Variants in ELP4 observed in about 807,000 individuals in gnomAD.
ELP4 encodes the protein elongator acetyltransferase complex subunit 4, also known as elongator complex protein 4.
In ELP4, 51 loss-of-function variants were observed where a neutral mutation model predicts 48.9. The ratio of observed to expected loss-of-function variants is 1.04; its 90% CI spans 0.83 to 1.32. ELP4 has a LOEUF of 1.32. ELP4 is among the 40% of genes most tolerant of loss of function. ELP4 has a pLI of 0.00. For synonymous variants in ELP4, 210 were observed against 189.2 expected (o/e 1.11, Z -0.90); for missense variants, 519 against 514.6 (o/e 1.01, Z -0.08).
chr11:31,543,322 T>G (rs1327723711), intron 3 of ELP4, among the ~76,000 whole-genome samples: 1 of 152,006 alleles, frequency 6.6e-6, no homozygotes, highest in East Asian at 1.9e-4. Context: ...TTGTTTGTTT[T>G]TTGTTTTTTG....
intron 3 of ELP4, among the ~76,000 whole-genome samples, chr11:31,560,684 A>ATTGTTTTATATATATATAAAACG (rs1957005408): frequency 1.8e-5 from 2 of 108,842 alleles, no homozygotes; most frequent in Middle Eastern, 5.4e-3. Context: ...TAAAGACCAC[A>ATTGTTTTATATATATATAAAACG]TTGTTTTATA....
Position 31,509,788 on chromosome 11 carries a change from G to A in ELP4, c.4G>A (p.Ala2Thr), listed in dbSNP as rs1186530257. The A allele has an allele frequency of 1.9e-6, 3 of 1,613,900 alleles. No individual in the cohort carries two copies. Among genetic ancestry groups the A allele is most frequent in the Non-Finnish European group, 2.5e-6 (3 of 1,180,014 alleles). ...GGTTAACACTGGAGGCTCTAAGATG[G>A]CGGCAGTGGCAACCTGCGGTAGTGT... M[A>T]AVATCGSVAA... The change falls in exon 1 of 10, where the codon GCG becomes ACG. Residue 2 changes from alanine (A) to threonine (T), a missense_variant. Physicochemically the swap from Ala to Thr is moderately conservative, Grantham distance 58. Transcript: ENST00000640961.
chr11:31,692,262 G>A (rs1037047184), intron 9 of ELP4, among the ~76,000 whole-genome samples: 3 of 152,236 alleles, frequency 2.0e-5, no homozygotes, highest in African/African-American at 2.4e-5. Context: ...GAGTTGGGGA[G>A]GAAAGTACAG....
chr11:31,543,209 C>CA (rs1956621742), intron 3 of ELP4, among the ~76,000 whole-genome samples: 1 of 152,106 alleles, frequency 6.6e-6, no homozygotes, highest in Non-Finnish European at 1.5e-5. Context: ...GAGTAGTACA[C>CA]AACAAATATT....
chr11:31,790,117 AAAACT>A lies in ELP4; in HGVS notation c.*6596_*6600del. The A allele has an allele frequency of 1.3e-6, 1 of 779,982 alleles. No homozygotes were observed. The highest frequency in any genetic ancestry group is 2.1e-6 in the Non-Finnish European group (1 of 477,860). 48.3% of individuals were successfully genotyped at this position (779,982 alleles called of 1,614,324 possible). A position where few individuals can be genotyped will look rare whatever the true frequency, so the allele number is the denominator to read the frequency against. On this transcript the variant is annotated 3_prime_UTR_variant, in exon 10 of 10. Transcript: ENST00000640961. ...GTTTACAAAAAAAAAAAAAAAAAAA[AAAACT>A]AATACTTTCTAACATTTTTTACTGT... is the stretch of plus-strand genomic sequence containing the variant.
chr11:31,692,721 G>A (rs1291988951), intron 9 of ELP4, among the ~76,000 whole-genome samples: 2 of 152,068 alleles, frequency 1.3e-5, no homozygotes, highest in African/African-American at 4.8e-5. Flanking sequence ...CACACATGAT[G>A]TTGCCTCTGA....
At chr11:31,614,979 T>A (rs1958049697) in intron 5 of ELP4, among the ~76,000 whole-genome samples, 1 of 152,076 alleles carries the variant, frequency 6.6e-6, no homozygotes, top group South Asian at 2.1e-4. Flanking sequence ...GAAACTTGAA[T>A]GGAGTGTGAG....
At chr11:31,667,377 G>A (rs1429617758) in intron 9 of ELP4, among the ~76,000 whole-genome samples, 1 of 152,064 alleles carries the variant, frequency 6.6e-6, no homozygotes, top group Non-Finnish European at 1.5e-5. Context: ...TTTTTCTAAA[G>A]CACCTAATGT....
intron 5 of ELP4, among the ~76,000 whole-genome samples, chr11:31,613,227 A>G (rs1302804831): frequency 6.6e-6 from 1 of 152,190 alleles, no homozygotes; most frequent in African/African-American, 2.4e-5. Context: ...AATAGGATAA[A>G]TAGCAGAATC....
chr11:31,556,663 A>G (rs1015117560), intron 3 of ELP4, among the ~76,000 whole-genome samples: 11 of 151,912 alleles, frequency 7.2e-5, no homozygotes, highest in Non-Finnish European at 1.5e-4. Context: ...ATGACATTTC[A>G]GATAGGTAGT....
intron 9 of ELP4, among the ~76,000 whole-genome samples, chr11:31,700,556 G>T (rs998330083): frequency 3.3e-5 from 5 of 151,996 alleles, no homozygotes; most frequent in African/African-American, 1.2e-4. Context: ...AAGGTATCCT[G>T]GCCCAAATAA....
At chr11:31,546,372 T>A (rs1012349470) in intron 3 of ELP4, among the ~76,000 whole-genome samples, 2 of 151,720 alleles carry the variant, frequency 1.3e-5, no homozygotes, top group East Asian at 3.9e-4. Flanking sequence ...CCAACAAAGA[T>A]CAAAAGGAAC....
chr11:31,696,010 G>T (rs961532001), intron 9 of ELP4, among the ~76,000 whole-genome samples: 4 of 151,932 alleles, frequency 2.6e-5, no homozygotes, highest in African/African-American at 9.7e-5. Context: ...CATTCGTGGT[G>T]ATATCCCCTT....
At chr11:31,535,021 T>G (rs1354365674) in intron 2 of ELP4, among the ~76,000 whole-genome samples, 1 of 152,194 alleles carries the variant, frequency 6.6e-6, no homozygotes, top group African/African-American at 2.4e-5. Flanking sequence ...CTGTCAGCTG[T>G]AAGCAATGCA....
chr11:31,781,357 T>G (rs1194855812), intron 9 of ELP4, among the ~76,000 whole-genome samples: 1 of 152,116 alleles, frequency 6.6e-6, no homozygotes, highest in African/African-American at 2.4e-5. Flanking sequence ...TCTTAAACAT[T>G]AAAACTCAGA....
intron 3 of ELP4, among the ~76,000 whole-genome samples, chr11:31,557,710 C>T (rs938339927): frequency 6.6e-6 from 1 of 151,938 alleles, no homozygotes; most frequent in African/African-American, 2.4e-5. Context: ...TACCATTGAA[C>T]ATTTTTACTT....
In ELP4 at chr11:31,522,455, G is replaced by A. The variant is rs575134309; in HGVS notation, c.259+2364G>A. 7.2e-5 allele frequency among the ~76,000 whole-genome samples: 11 copies of A among 152,152 alleles called. 1 individual carries two copies. The highest frequency in any genetic ancestry group is 2.4e-4 in the African/African-American group (10 of 41,520). On this transcript the variant is annotated intron_variant, in intron 2 of 9. Coordinates refer to ENST00000640961, the MANE Select transcript of ELP4 (RefSeq NM_019040.5). ...TAATACATCTTAGACCTCAATTTATGTACATTTATATAGATGTACTACTTC... is the reference window on the plus strand; with the variant it reads ...TAATACATCTTAGACCTCAATTTATATACATTTATATAGATGTACTACTTC...
At chr11:31,524,034 T>A (rs561836131) in intron 2 of ELP4, among the ~76,000 whole-genome samples, 2 of 152,292 alleles carry the variant, frequency 1.3e-5, no homozygotes, top group African/African-American at 4.8e-5. Context: ...TGTGTTTTTT[T>A]AAAATAATCT....
chr11:31,677,601 ATAATCT>A (rs1181869450), intron 9 of ELP4, among the ~76,000 whole-genome samples: 1 of 152,212 alleles, frequency 6.6e-6, no homozygotes, highest in African/African-American at 2.4e-5. Context: ...GTAGTTGATT[ATAATCT>A]ACAAAAATAG....
Sources: allele counts gnomAD v4.1 joint callset (sites outside exome capture counted in the v4.1 genomes callset), GRCh38; gene constraint gnomAD v4.1.1; transcripts MANE v1.5; gene names NCBI Gene and HGNC (gene_info 2026-07-23, HGNC 2026-07-21).